Variants in SCAF4 observed in about 807,000 individuals in gnomAD.
SCAF4 encodes SR-related CTD associated factor 4.
A neutral mutation model predicts 129.8 loss-of-function variants in SCAF4; 25 were observed. That is an observed-to-expected ratio of 0.19 (90% CI 0.14 to 0.27). The LOEUF (loss-of-function observed/expected upper bound fraction) is 0.27. Among genes scored for constraint, SCAF4 ranks in the 10% least tolerant of loss-of-function variants. The pLI, the probability that SCAF4 is intolerant of heterozygous loss-of-function variation, is 1.00. For missense variants in SCAF4, 1,246 were observed against 1,457.1 expected (o/e 0.86, Z 2.36); for synonymous variants, 551 against 497.7 (o/e 1.11, Z -1.43).
intron 1 of SCAF4, among the ~76,000 whole-genome samples, chr21:31,715,928 G>A (rs2833488): frequency 0.23 from 35,127 of 151,990 alleles, 5,697 homozygotes; most frequent in East Asian, 0.51. Context: ...TTTACAAATG[G>A]TAGTCTGTTA....
chr21:31,723,883 G>A lies in SCAF4; in HGVS notation c.30+7780C>T, dbSNP rs181017076. ...AAATTATAACTTTCAAGAGGTATTTGGATGGCCATCCACCTTTCACTGAGC... is the reference window on the plus strand; with the variant it reads ...AAATTATAACTTTCAAGAGGTATTTAGATGGCCATCCACCTTTCACTGAGC... On this transcript the variant is annotated intron_variant, in intron 1 of 19. Transcript: ENST00000286835. Among the ~76,000 whole-genome samples, 38 of 152,126 alleles carry A rather than the reference G, an allele frequency of 2.5e-4. No homozygotes were observed. In the East Asian group the frequency reaches 7.0e-3, roughly 28 times the overall value.
rs374463277 is a variant in SCAF4 at position 31,693,197 on chromosome 21, A to G, written c.1513+97T>C. The G allele has an allele frequency of 1.5e-5, 13 of 861,764 alleles. No homozygotes were observed. The African/African-American group carries it at 1.7e-4, about 12-fold the overall frequency. The allele number at this position is 861,764 out of a possible 1,614,324, so 53.4% of individuals were successfully genotyped here. On this transcript the variant is annotated intron_variant, in intron 12 of 19. Transcript: ENST00000286835. ...TTCAAATAAAAATCAACACAGTGGT[A>G]ACATTTCTTTTATAGTTTTGCTAAC... is the stretch of plus-strand genomic sequence containing the variant.
At chr21:31,675,768 G>A (rs2049838133) in intron 19 of SCAF4, among the ~76,000 whole-genome samples, 1 of 152,004 alleles carries the variant, frequency 6.6e-6, no homozygotes, top group African/African-American at 2.4e-5. Flanking sequence ...TTCCTATGAC[G>A]ATCCAAAAAA....
chr21:31,700,810 G>T (rs1025593984), intron 7 of SCAF4, 185 bp downstream of exon 7: 149 of 421,658 alleles, frequency 3.5e-4, no homozygotes, highest in South Asian at 1.4e-3. Context: ...GGAAATTTTT[G>T]CACTGAGCAC....
intron 1 of SCAF4, among the ~76,000 whole-genome samples, chr21:31,709,645 A>G (rs1283400735): frequency 1.3e-5 from 2 of 152,174 alleles, no homozygotes; most frequent in African/African-American, 4.8e-5. Context: ...TCATTCAGAC[A>G]AAAGACCAGC....
Position 31,723,321 on chromosome 21 carries a change from G to A in SCAF4, c.30+8342C>T, listed in dbSNP as rs184349733. ...ACAAAAATTGGCCGGGCCCGGTGGC[G>A]TGCACCTGTAATCTCAGCTACTAGG... On this transcript the variant is annotated intron_variant, in intron 1 of 19. Transcript: ENST00000286835. 6.6e-3 allele frequency among the ~76,000 whole-genome samples: 1,000 copies of A among 152,014 alleles called. 9 individuals carry two copies. Among genetic ancestry groups the A allele is most frequent in the African/African-American group, 0.023 (940 of 41,476 alleles).
At chr21:31,702,523 G>A in intron 4 of SCAF4, 144 bp from the exon 5 acceptor site, 2 of 738,672 alleles carry the variant, frequency 2.7e-6, no homozygotes, top group Non-Finnish European at 4.3e-6. Context: ...AAAAAAATCA[G>A]AATTACAACC....
chr21:31,693,633 T>C, intron 11 of SCAF4, 149 bp from the exon 12 acceptor site: 1 of 438,640 alleles, frequency 2.3e-6, no homozygotes, highest in Non-Finnish European at 3.9e-6. Flanking sequence ...TTTACAGATT[T>C]AGTATGTCCC....
intron 19 of SCAF4, chr21:31,684,833 T>G: frequency 1.9e-6 from 1 of 537,010 alleles, no homozygotes. Flanking sequence ...GTCTTTGAGA[T>G]TCTCTCTTGG....
intron 1 of SCAF4, among the ~76,000 whole-genome samples, chr21:31,715,073 C>A (rs1263899427): frequency 6.6e-6 from 1 of 152,152 alleles, no homozygotes; most frequent in Non-Finnish European, 1.5e-5. Context: ...TGGCTTAAAG[C>A]AACACAAATT....
intron 1 of SCAF4, among the ~76,000 whole-genome samples, chr21:31,724,705 G>A (rs1435430874): frequency 6.6e-6 from 1 of 151,976 alleles, no homozygotes; most frequent in African/African-American, 2.4e-5. Context: ...TTTTACAGTG[G>A]CTTCGTATGT....
chr21:31,672,779 C>T (rs1296150661), intron 19 of SCAF4, among the ~76,000 whole-genome samples: 1 of 152,154 alleles, frequency 6.6e-6, no homozygotes, highest in Non-Finnish European at 1.5e-5. Context: ...AGAAAATTTA[C>T]ACCCCGTCTT....
intron 6 of SCAF4, 26 bp from the exon 7 acceptor site, chr21:31,701,197 T>A (rs766423633): frequency 5.9e-5 from 90 of 1,524,896 alleles, no homozygotes; most frequent in Non-Finnish European, 7.7e-5. Flanking sequence ...AACCAATAAA[T>A]CACAGAACAA....
intron 4 of SCAF4, 65 bp from the exon 5 acceptor site, chr21:31,702,444 C>CA (rs966456039): frequency 9.1e-5 from 127 of 1,390,560 alleles, no homozygotes; most frequent in Middle Eastern, 2.0e-4. Context: ...TATACTCTTA[C>CA]AAAAAAAAGA....
chr21:31,719,584 A>T (rs913965881), intron 1 of SCAF4, among the ~76,000 whole-genome samples: 1 of 151,994 alleles, frequency 6.6e-6, no homozygotes, highest in Non-Finnish European at 1.5e-5. Context: ...AGCGCACCAC[A>T]ACCTCCGCCT....
At position 31,685,381 on chromosome 21, in the gene SCAF4, GA is replaced by G; in HGVS notation, c.2296+16del. 1 of 1,596,342 alleles carries G rather than the reference GA, an allele frequency of 6.3e-7. No homozygotes were observed. The highest frequency in any genetic ancestry group is 8.5e-7 in the Non-Finnish European group (1 of 1,170,276). Reference sequence around the variant, plus strand: ...CTCCAAGAGGATAAGCAAACACAAAGAAAAAAACATGCTTACAGTTTGGGAT... The same window carrying G: ...CTCCAAGAGGATAAGCAAACACAAAGAAAAAACATGCTTACAGTTTGGGAT... On this transcript the variant is annotated intron_variant, in intron 18 of 19. Coordinates refer to ENST00000286835, the MANE Select transcript of SCAF4 (RefSeq NM_020706.2).
In SCAF4 at chr21:31,719,924, C is replaced by CA. The variant is rs1601271117; in HGVS notation, c.30+11738dup. Among the ~76,000 whole-genome samples, 3 of 152,198 alleles carry CA rather than the reference C, an allele frequency of 2.0e-5. No homozygotes were observed. In the South Asian group the frequency reaches 6.2e-4, roughly 32 times the overall value. On this transcript the variant is annotated intron_variant, in intron 1 of 19. Coordinates refer to ENST00000286835, the MANE Select transcript of SCAF4 (RefSeq NM_020706.2). The stretch of plus-strand genomic sequence containing the variant: ...CCAGGGTTTTTAACCCTATTGGTTC[C>CA]AGCTTATCACATTAGGTCATTTTCC...
intron 4 of SCAF4, among the ~76,000 whole-genome samples, chr21:31,702,635 T>C (rs2050562426): frequency 6.6e-6 from 1 of 152,166 alleles, no homozygotes; most frequent in Non-Finnish European, 1.5e-5. Context: ...ATTTGACATT[T>C]TCATTTTATT....
At chr21:31,676,902 G>A (rs1053626682) in intron 19 of SCAF4, among the ~76,000 whole-genome samples, 2 of 151,958 alleles carry the variant, frequency 1.3e-5, no homozygotes, top group African/African-American at 4.8e-5. Flanking sequence ...AATGTTTTCT[G>A]TCTCTGTGGG....
Sources: gnomAD v4.1 joint callset for allele counts (sites outside exome capture counted in the v4.1 genomes callset) on GRCh38, gnomAD v4.1.1 for gene constraint, MANE v1.5 for transcripts, NCBI Gene and HGNC (gene_info 2026-07-23, HGNC 2026-07-21) for gene names.